Variants in CCDC170 observed in about 807,000 individuals in gnomAD.
CCDC170 encodes coiled-coil domain containing 170.
Under a neutral mutation model 72.6 loss-of-function variants are expected in CCDC170, and 69 were observed. That is an observed-to-expected ratio of 0.95 (90% CI 0.78 to 1.16). CCDC170 has a LOEUF of 1.16. CCDC170 is among the 50% of genes most tolerant of loss of function. The pLI, the probability that CCDC170 is intolerant of heterozygous loss-of-function variation, is 0.00. For missense variants in CCDC170, 852 were observed against 832.5 expected (o/e 1.02, Z -0.29); for synonymous variants, 300 against 303.9 (o/e 0.99, Z 0.13).
intron 5 of CCDC170, among the ~76,000 whole-genome samples, chr6:151,558,907 A>AT (rs914260317): frequency 6.0e-5 from 9 of 150,658 alleles, no homozygotes; most frequent in African/African-American, 1.7e-4. Context: ...AAATTTTATG[A>AT]TTTTTTTCCA....
intron 5 of CCDC170, among the ~76,000 whole-genome samples, chr6:151,566,440 A>G (rs1310026000): frequency 6.6e-6 from 1 of 152,018 alleles, no homozygotes; most frequent in Admixed American, 6.6e-5. Flanking sequence ...TTTCCAGTCC[A>G]TTGCTGACAA....
chr6:151,535,921 A>T (rs9689221), intron 1 of CCDC170, among the ~76,000 whole-genome samples: 3,753 of 151,810 alleles, frequency 0.025, 144 homozygotes, highest in African/African-American at 0.081. Flanking sequence ...ATTAAAAAAA[A>T]TTTTTTTTCT....
chr6:151,538,021 T>C (rs750306341), intron 2 of CCDC170, 24 bp from the exon 3 acceptor site: 3 of 1,570,550 alleles, frequency 1.9e-6, no homozygotes, highest in African/African-American at 1.4e-5. Context: ...GTTTTTTTTT[T>C]TTTTAACTTC....
chr6:151,592,746 G>A (rs1461152685), intron 7 of CCDC170, among the ~76,000 whole-genome samples: 1 of 152,188 alleles, frequency 6.6e-6, no homozygotes, highest in Non-Finnish European at 1.5e-5. Flanking sequence ...GATCCCAGGG[G>A]CTAGATTAGC....
intron 4 of CCDC170, among the ~76,000 whole-genome samples, chr6:151,546,058 G>A (rs1469354869): frequency 7.9e-5 from 12 of 152,078 alleles, no homozygotes; most frequent in Admixed American, 3.9e-4. Flanking sequence ...GATTACAGGC[G>A]TGAGCCATCA....
intron 2 of CCDC170, among the ~76,000 whole-genome samples, chr6:151,537,570 A>T (rs912641355): frequency 6.6e-6 from 1 of 151,884 alleles, no homozygotes. Context: ...TGTTATTTTT[A>T]TTTATCACTC....
intron 3 of CCDC170, among the ~76,000 whole-genome samples, chr6:151,539,548 G>A (rs1386359773): frequency 2.0e-5 from 3 of 151,828 alleles, no homozygotes; most frequent in African/African-American, 7.3e-5. Context: ...CATCTCTTTG[G>A]CTTTCAAATA....
At chr6:151,602,139 C>G (rs139124488) in intron 9 of CCDC170, among the ~76,000 whole-genome samples, 2 of 152,112 alleles carry the variant, frequency 1.3e-5, no homozygotes, top group Admixed American at 6.5e-5. Context: ...TTTTAAGACC[C>G]AGGCTGTAAA....
intron 9 of CCDC170, among the ~76,000 whole-genome samples, chr6:151,599,734 T>C (rs1776676286): frequency 6.6e-6 from 1 of 151,940 alleles, no homozygotes; most frequent in South Asian, 2.1e-4. Flanking sequence ...ACTGAAGGAG[T>C]GTCCACTATA....
chr6:151,554,782 C>T (rs533900446), intron 5 of CCDC170, among the ~76,000 whole-genome samples: 3 of 150,940 alleles, frequency 2.0e-5, no homozygotes, highest in African/African-American at 7.3e-5. Context: ...AAGCTAGGCT[C>T]TTTAATTAGG....
chr6:151,578,055 C>G (rs1776328842), intron 6 of CCDC170, among the ~76,000 whole-genome samples: 1 of 152,176 alleles, frequency 6.6e-6, no homozygotes, highest in African/African-American at 2.4e-5. Context: ...GTTCTTAACC[C>G]TGCCACCTAC....
rs192383009 is a variant in CCDC170 at position 151,573,706 on chromosome 6, A to G, written c.1092+215A>G. ...GAAAGCAAAGGAGGAGCAAAGGCAC[A>G]TCTTACGTGGTGGCAGGCAAGAGAG... On this transcript the variant is annotated intron_variant, in intron 6 of 10. Transcript: ENST00000239374. Among the ~76,000 whole-genome samples the G allele has an allele frequency of 4.4e-4, 67 of 152,320 alleles. No individual in the cohort carries two copies. The East Asian group carries it at 5.0e-3, about 11-fold the overall frequency.
intron 5 of CCDC170, among the ~76,000 whole-genome samples, chr6:151,561,434 T>A (rs1337331140): frequency 2.0e-5 from 3 of 152,158 alleles, no homozygotes; most frequent in African/African-American, 7.2e-5. Context: ...TCTCTTACTG[T>A]TTGCTTGTCT....
chr6:151,585,811 C>A, intron 6 of CCDC170, 78 bp from the exon 7 acceptor site: 1 of 1,347,346 alleles, frequency 7.4e-7, no homozygotes, highest in Non-Finnish European at 1.0e-6. Context: ...AGTTATGCTG[C>A]TTAGGCAGAG....
chr6:151,579,583 C>T (rs1776353209), intron 6 of CCDC170, among the ~76,000 whole-genome samples: 2 of 152,212 alleles, frequency 1.3e-5, no homozygotes, highest in South Asian at 2.1e-4. Context: ...TGTAGAGCAC[C>T]CTCAGGTCCA....
intron 6 of CCDC170, among the ~76,000 whole-genome samples, chr6:151,574,334 T>A (rs1261433405): frequency 6.6e-6 from 1 of 152,230 alleles, no homozygotes; most frequent in Non-Finnish European, 1.5e-5. Context: ...TGGTGCTGAA[T>A]CCCGTCTCTG....
chr6:151,558,640 T>C (rs1041611941), intron 5 of CCDC170, among the ~76,000 whole-genome samples: 1 of 152,226 alleles, frequency 6.6e-6, no homozygotes, highest in Admixed American at 6.5e-5. Context: ...CACCATTTAT[T>C]GAAGAGGCTC....
intron 5 of CCDC170, among the ~76,000 whole-genome samples, chr6:151,554,881 T>G (rs1239474616): frequency 6.4e-5 from 9 of 141,158 alleles, no homozygotes; most frequent in African/African-American, 1.9e-4. Flanking sequence ...AGTTTTTTTT[T>G]TTTTTTTTTT....
chr6:151,592,819 A>T (rs1444386160), intron 7 of CCDC170, among the ~76,000 whole-genome samples: 1 of 152,238 alleles, frequency 6.6e-6, no homozygotes, highest in East Asian at 1.9e-4. Flanking sequence ...GTCATCAAAC[A>T]TAGCCAAATG....
Sources: allele counts gnomAD v4.1 joint callset (sites outside exome capture counted in the v4.1 genomes callset), GRCh38; gene constraint gnomAD v4.1.1; transcripts MANE v1.5; gene names NCBI Gene and HGNC (gene_info 2026-07-23, HGNC 2026-07-21).